Variants in RGS7 observed in about 807,000 individuals in gnomAD.
The protein encoded by RGS7 is regulator of G-protein signaling 7.
A neutral mutation model predicts 81.1 loss-of-function variants in RGS7; 27 were observed. That is an observed-to-expected ratio of 0.33 (90% CI 0.25 to 0.46). The LOEUF is 0.46. RGS7 is among the 20% of genes least tolerant of loss of function. The pLI, the probability that RGS7 is intolerant of heterozygous loss-of-function variation, is 1.00. For synonymous variants in RGS7, 208 were observed against 207.7 expected, an observed-to-expected ratio of 1.00 and a Z score of -0.01; for missense variants, 396 against 607.4, an observed-to-expected ratio of 0.65 and a Z score of 3.66.
intron 2 of RGS7, among the ~76,000 whole-genome samples, chr1:241,199,306 A>G (rs2073317903): frequency 6.6e-6 from 1 of 152,038 alleles, no homozygotes; most frequent in Non-Finnish European, 1.5e-5. Context: ...AAAAATACAA[A>G]AATTAGCTGG....
intron 3 of RGS7, among the ~76,000 whole-genome samples, chr1:241,001,832 T>C (rs1381185235): frequency 6.6e-6 from 1 of 152,178 alleles, no homozygotes; most frequent in African/African-American, 2.4e-5. Flanking sequence ...AATGACTCTA[T>C]ATGATATTCC....
chr1:240,880,704 A>G (rs549346645), intron 6 of RGS7, among the ~76,000 whole-genome samples: 1 of 152,298 alleles, frequency 6.6e-6, no homozygotes, highest in South Asian at 2.1e-4. Flanking sequence ...TCATGCATCA[A>G]TATGGGGAAT....
intron 4 of RGS7, among the ~76,000 whole-genome samples, chr1:240,969,263 A>C (rs574079907): frequency 2.4e-4 from 37 of 152,294 alleles, no homozygotes; most frequent in Admixed American, 4.6e-4. Flanking sequence ...CGGCTTATAA[A>C]AGGAACACAT....
At chr1:240,892,944 G>A (rs1668499748) in intron 6 of RGS7, among the ~76,000 whole-genome samples, 2 of 152,094 alleles carry the variant, frequency 1.3e-5, no homozygotes, top group South Asian at 4.2e-4. Flanking sequence ...AGAGCTAAAT[G>A]TGTTGCAACT....
At chr1:240,777,236 C>A (rs530121082) in intron 18 of RGS7, among the ~76,000 whole-genome samples, 5 of 151,820 alleles carry the variant, frequency 3.3e-5, no homozygotes, top group African/African-American at 9.7e-5. Context: ...GGGCTGAGAT[C>A]GCGCCACTAC....
chr1:240,861,056 G>T (rs1031943189), intron 9 of RGS7, among the ~76,000 whole-genome samples: 25 of 152,132 alleles, frequency 1.6e-4, no homozygotes, highest in African/African-American at 5.8e-4. Context: ...ATAGGGAATT[G>T]AAGACAGACT....
At chr1:241,286,635 C>T (rs767053466) in intron 2 of RGS7, among the ~76,000 whole-genome samples, 1 of 152,224 alleles carries the variant, frequency 6.6e-6, no homozygotes, top group Non-Finnish European at 1.5e-5. Context: ...ACTCCTCCTT[C>T]TCCTTTCCAT....
In RGS7 at chr1:241,271,621, T is replaced by C. The variant is rs1328630780; in HGVS notation, c.78+84078A>G. 6.6e-6 allele frequency among the ~76,000 whole-genome samples: 1 copy of C among 152,224 alleles called. No individual in the cohort carries two copies. Among genetic ancestry groups the C allele is most frequent in the Non-Finnish European group, 1.5e-5 (1 of 68,036 alleles). On this transcript the variant is annotated intron_variant, in intron 2 of 18. Coordinates refer to ENST00000440928, the MANE Select transcript of RGS7 (RefSeq NM_001364886.1). The surrounding 1 kb of genome is among the most constrained non-coding windows in gnomAD (Gnocchi z 4.6). ...GAATGGTGGACTGAGTAAAGCAGAC[T>C]GCCCATCCCACTGTGGGTGTGGCTT...
At chr1:241,186,433 G>T (rs1157668298) in intron 2 of RGS7, 6 of 903,426 alleles carry the variant, frequency 6.6e-6, no homozygotes, top group Non-Finnish European at 7.9e-6. Context: ...ATCTAAGATT[G>T]TTTTTTTTCT....
rs2103220024 is a variant in RGS7 at position 241,164,553 on chromosome 1, G to A, written c.79-65791C>T. On this transcript the variant is annotated intron_variant, in intron 2 of 18. Transcript: ENST00000440928. The surrounding 1 kb of genome is among the most constrained non-coding windows in gnomAD (Gnocchi z 4.1). The stretch of plus-strand genomic sequence containing the variant: ...TTGTATGTTAGGAAATGGGATCAAA[G>A]ACCAAATATATATTCTACAATATCA... Among the ~76,000 whole-genome samples, 1 of 152,244 alleles carries A rather than the reference G, an allele frequency of 6.6e-6. No homozygotes were observed. The highest frequency in any genetic ancestry group is 1.5e-5 in the Non-Finnish European group (1 of 68,000).
rs192600964 is a variant in RGS7 at position 240,985,001 on chromosome 1, C to T, written c.176-1872G>A. On this transcript the variant is annotated intron_variant, in intron 3 of 18. Transcript: ENST00000440928. ...AATCATTTGGGAAGACAGACTCATC[C>T]AGATCCTAAAGGAAGTTTTACTAAA... Among the ~76,000 whole-genome samples, 11 of 152,282 alleles carry T rather than the reference C, an allele frequency of 7.2e-5. No homozygotes were observed. In the East Asian group the frequency reaches 1.2e-3, roughly 16 times the overall value.
At chr1:240,830,787 C>G (rs1489211646) in intron 9 of RGS7, among the ~76,000 whole-genome samples, 1 of 152,158 alleles carries the variant, frequency 6.6e-6, no homozygotes, top group Non-Finnish European at 1.5e-5. Flanking sequence ...TTACTTCATA[C>G]CAGGGGTCAT....
At chr1:241,227,135 C>G (rs2075353364) in intron 2 of RGS7, among the ~76,000 whole-genome samples, 1 of 152,164 alleles carries the variant, frequency 6.6e-6, no homozygotes, top group Non-Finnish European at 1.5e-5. Flanking sequence ...AAGGAGGAAT[C>G]TACCATAGCA....
rs547591054 is a variant in RGS7, at chr1:241,018,229, C to A, written c.176-35100G>T. On this transcript the variant is annotated intron_variant, in intron 3 of 18. Coordinates refer to ENST00000440928, the MANE Select transcript of RGS7 (RefSeq NM_001364886.1). ...AAACTCCTGACTCAAGTGATCTGCCCGCCTCGGCCTACCAAAGTGCTGGCA... is the reference window on the plus strand; with the variant it reads ...AAACTCCTGACTCAAGTGATCTGCCAGCCTCGGCCTACCAAAGTGCTGGCA... Among the ~76,000 whole-genome samples the A allele has an allele frequency of 2.0e-5, 3 of 151,072 alleles. No homozygotes were observed. In the East Asian group the frequency reaches 5.8e-4, roughly 29 times the overall value.
chr1:240,961,651 G>A (rs1051866631), intron 4 of RGS7, among the ~76,000 whole-genome samples: 16 of 152,062 alleles, frequency 1.1e-4, no homozygotes, highest in South Asian at 2.1e-4. Flanking sequence ...ATGGCAATGC[G>A]CAATGGGGAA....
At chr1:241,241,687 T>C (rs1573309362) in intron 2 of RGS7, among the ~76,000 whole-genome samples, 1 of 152,136 alleles carries the variant, frequency 6.6e-6, no homozygotes, top group Admixed American at 6.5e-5. Context: ...CCATGGGAGA[T>C]CCCGACACTC....
At chr1:241,149,147 T>C (rs545116353) in intron 2 of RGS7, among the ~76,000 whole-genome samples, 4 of 152,254 alleles carry the variant, frequency 2.6e-5, no homozygotes, top group African/African-American at 9.6e-5. Context: ...CAATGAACTC[T>C]ACAAGTAGAA....
chr1:241,197,586 T>TA (rs1336197868), intron 2 of RGS7, among the ~76,000 whole-genome samples: 1 of 151,860 alleles, frequency 6.6e-6, no homozygotes, highest in Non-Finnish European at 1.5e-5. Context: ...AAGTAGATGG[T>TA]ATAGCAAGAA....
chr1:240,996,960 T>C (rs183968159), intron 3 of RGS7, among the ~76,000 whole-genome samples: 254 of 152,226 alleles, frequency 1.7e-3, no homozygotes, highest in Non-Finnish European at 3.0e-3. Context: ...TGTTTGTTTG[T>C]TTGCTTGTTT....
Sources: allele counts gnomAD v4.1 joint callset (sites outside exome capture counted in the v4.1 genomes callset), GRCh38; gene constraint gnomAD v4.1.1; non-coding constraint Gnocchi (gnomAD v3.1); transcripts MANE v1.5; gene names NCBI Gene and HGNC (gene_info 2026-07-23, HGNC 2026-07-21).